Variants in TMEM232 observed in about 807,000 individuals in gnomAD.
TMEM232 encodes transmembrane protein 232.
Under a neutral mutation model 78.8 loss-of-function variants are expected in TMEM232, and 80 were observed. The observed-to-expected ratio is 1.01, with a 90% CI of 0.85 to 1.22. The LOEUF is 1.22. TMEM232 is among the 50% of genes most tolerant of loss of function. The pLI, the probability that TMEM232 is intolerant of heterozygous loss-of-function variation, is 0.00. For missense variants in TMEM232, 881 were observed against 742.2 expected (o/e 1.19, Z -2.17); for synonymous variants, 297 against 254.3 (o/e 1.17, Z -1.60).
intron 1 of TMEM232, among the ~76,000 whole-genome samples, chr5:110,678,308 C>T (rs1792293849): frequency 1.3e-5 from 2 of 151,912 alleles, no homozygotes; most frequent in Admixed American, 6.6e-5. Context: ...CAGGTGATTC[C>T]CCTGCCTCAG....
chr5:110,560,815 A>G (rs1232705450), intron 11 of TMEM232, among the ~76,000 whole-genome samples: 1 of 152,310 alleles, frequency 6.6e-6, no homozygotes, highest in East Asian at 1.9e-4. Context: ...GGTGAGCGCT[A>G]TGCTACCCAG....
intron 10 of TMEM232, among the ~76,000 whole-genome samples, chr5:110,599,835 ACT>A (rs1435437177): frequency 6.6e-6 from 1 of 151,878 alleles, no homozygotes; most frequent in Non-Finnish European, 1.5e-5. Flanking sequence ...CATCTACAAA[ACT>A]CTCCACCACA....
At chr5:110,531,060 G>A (rs1368608142) in intron 11 of TMEM232, among the ~76,000 whole-genome samples, 2 of 152,182 alleles carry the variant, frequency 1.3e-5, no homozygotes, top group East Asian at 3.9e-4. Flanking sequence ...ACCTGTTCCT[G>A]CCTTAACTGA....
chr5:110,446,874 A>G (rs1759703432), intron 12 of TMEM232, among the ~76,000 whole-genome samples: 1 of 152,018 alleles, frequency 6.6e-6, no homozygotes, highest in African/African-American at 2.4e-5. Flanking sequence ...ATGGTTAAGG[A>G]TCCTGAAAAA....
chr5:110,496,217 T>C (rs1285443642), intron 12 of TMEM232, among the ~76,000 whole-genome samples: 4 of 151,956 alleles, frequency 2.6e-5, no homozygotes. Flanking sequence ...TTAGGTATAC[T>C]GAATTTACTT....
At chr5:110,499,998 G>C (rs1232477493) in intron 12 of TMEM232, among the ~76,000 whole-genome samples, 1 of 152,064 alleles carries the variant, frequency 6.6e-6, no homozygotes, top group Non-Finnish European at 1.5e-5. Context: ...ACATTTTAAA[G>C]GTTTAATTAT....
intron 10 of TMEM232, among the ~76,000 whole-genome samples, chr5:110,572,437 C>G (rs550372001): frequency 4.1e-4 from 62 of 152,108 alleles, no homozygotes; most frequent in African/African-American, 1.4e-3. Flanking sequence ...ATAAAACATA[C>G]AGTGAATTTT....
At chr5:110,678,767 G>A (rs1580632732) in intron 1 of TMEM232, among the ~76,000 whole-genome samples, 1 of 150,428 alleles carries the variant, frequency 6.6e-6, no homozygotes, top group Middle Eastern at 3.4e-3. Flanking sequence ...CTTATAGTTT[G>A]AATTAAACAC....
chr5:110,607,285 T>C (rs933225737), intron 8 of TMEM232, among the ~76,000 whole-genome samples: 5 of 152,016 alleles, frequency 3.3e-5, no homozygotes, highest in Admixed American at 6.6e-5. Flanking sequence ...GAGGGACTTG[T>C]CCAAGTTCCC....
At chr5:110,599,404 G>A (rs944938557) in intron 10 of TMEM232, among the ~76,000 whole-genome samples, 2 of 152,146 alleles carry the variant, frequency 1.3e-5, no homozygotes, top group East Asian at 1.9e-4. Context: ...AGATCCATCA[G>A]TGTGCTGTAT....
intron 13 of TMEM232, among the ~76,000 whole-genome samples, chr5:110,422,859 C>A (rs1461765682): frequency 6.6e-6 from 1 of 151,870 alleles, no homozygotes; most frequent in Non-Finnish European, 1.5e-5. Flanking sequence ...ACTTTATATA[C>A]CATTATTATT....
At position 110,616,143 on chromosome 5, in the gene TMEM232, G is replaced by A. The variant is rs74611015; in HGVS notation, c.902+2286C>T. ...ATCCTGAGCAAAAAGAAAAAAAGCT[G>A]GAAACATTGCAAAACTGGATTTTAA... On this transcript the variant is annotated intron_variant, in intron 8 of 13. Transcript: ENST00000455884. Among the ~76,000 whole-genome samples the A allele has an allele frequency of 6.7e-3, 1,011 of 151,906 alleles. 14 individuals carry two copies. Among genetic ancestry groups the A allele is most frequent in the South Asian group, 0.048 (232 of 4,820 alleles).
At chr5:110,558,598 T>A (rs531772771) in intron 11 of TMEM232, among the ~76,000 whole-genome samples, 16 of 152,174 alleles carry the variant, frequency 1.1e-4, no homozygotes, top group African/African-American at 3.9e-4. Flanking sequence ...GGTGCTCAGA[T>A]AAGACTAGCC....
intron 12 of TMEM232, among the ~76,000 whole-genome samples, chr5:110,479,245 A>G (rs1488001291): frequency 6.6e-6 from 1 of 151,862 alleles, no homozygotes; most frequent in Admixed American, 6.6e-5. Flanking sequence ...ATATAAAAAC[A>G]TAGAAAAAAT....
chr5:110,690,891 A>G (rs558525366), intron 1 of TMEM232, among the ~76,000 whole-genome samples: 1 of 151,894 alleles, frequency 6.6e-6, no homozygotes, highest in East Asian at 1.9e-4. Context: ...ACCAAACACC[A>G]CATGTTCTCA....
At chr5:110,710,021 A>T (rs1469488508) in intron 1 of TMEM232, among the ~76,000 whole-genome samples, 6 of 151,970 alleles carry the variant, frequency 3.9e-5, no homozygotes, top group African/African-American at 1.5e-4. Context: ...ACCTTTAGTT[A>T]GACAAATTAA....
intron 1 of TMEM232, among the ~76,000 whole-genome samples, chr5:110,691,443 C>T (rs138711696): frequency 0.012 from 1,791 of 152,224 alleles, 45 homozygotes; most frequent in African/African-American, 0.04. Context: ...TCCATGAATT[C>T]TTGTATTGGA....
At chr5:110,452,090 A>AG (rs1390667079) in intron 12 of TMEM232, among the ~76,000 whole-genome samples, 2 of 152,162 alleles carry the variant, frequency 1.3e-5, no homozygotes, top group African/African-American at 4.8e-5. Flanking sequence ...AGCTGGCTAC[A>AG]GAATCTTGAC....
intron 1 of TMEM232, among the ~76,000 whole-genome samples, chr5:110,737,529 C>G (rs1474844296): frequency 6.6e-6 from 1 of 152,154 alleles, no homozygotes; most frequent in African/African-American, 2.4e-5. Flanking sequence ...TTTCTTCTCA[C>G]CTGGAAAGAC....
Sources: gnomAD v4.1 joint callset for allele counts (sites outside exome capture counted in the v4.1 genomes callset) on GRCh38, gnomAD v4.1.1 for gene constraint, MANE v1.5 for transcripts, NCBI Gene and HGNC (gene_info 2026-07-23, HGNC 2026-07-21) for gene names.